The following UNC5C variants were observed in gnomAD, a reference collection of about 807,000 sequenced individuals.
The protein encoded by UNC5C is unc-5 netrin receptor C.
Under a neutral mutation model 99.8 loss-of-function variants are expected in UNC5C, and 47 were observed. The ratio of observed to expected loss-of-function variants is 0.47; its 90% CI spans 0.37 to 0.60. UNC5C has a LOEUF of 0.60. UNC5C is among the 20% of genes least tolerant of loss of function. UNC5C has a pLI of 0.00. For synonymous variants in UNC5C, 487 were observed against 452.2 expected, an observed-to-expected ratio of 1.08 and a Z score of -0.98; for missense variants, 1,062 against 1,165.9, an observed-to-expected ratio of 0.91 and a Z score of 1.30.
chr4:95,321,321 G>T (rs1742683279), intron 2 of UNC5C, among the ~76,000 whole-genome samples: 1 of 152,020 alleles, frequency 6.6e-6, no homozygotes, highest in South Asian at 2.1e-4. Flanking sequence ...GAAACAAAAA[G>T]AATCTAAATG....
chr4:95,180,449 C>T (rs1164287279), intron 14 of UNC5C, among the ~76,000 whole-genome samples: 1 of 152,322 alleles, frequency 6.6e-6, no homozygotes, highest in South Asian at 2.1e-4. Context: ...AATCTTTTAT[C>T]ATCTTTTACA....
chr4:95,176,074 G>T (rs1477474200), intron 14 of UNC5C, among the ~76,000 whole-genome samples: 1 of 151,342 alleles, frequency 6.6e-6, no homozygotes, highest in East Asian at 1.9e-4. Context: ...TAGTTCTTGA[G>T]CCTTGGTTTT....
chr4:95,301,866 A>G (rs866958790), intron 2 of UNC5C, 117 bp from the exon 3 acceptor site: 15 of 1,269,682 alleles, frequency 1.2e-5, no homozygotes, highest in African/African-American at 6.0e-5. Context: ...TCAACAACCC[A>G]GATATTGTCT....
At chr4:95,529,107 A>G (rs1447052300) in intron 1 of UNC5C, among the ~76,000 whole-genome samples, 1 of 151,576 alleles carries the variant, frequency 6.6e-6, no homozygotes, top group African/African-American at 2.4e-5. Context: ...ACAAGATTTT[A>G]AGTTTCTTAA....
intron 14 of UNC5C, among the ~76,000 whole-genome samples, chr4:95,173,683 G>C (rs1420685093): frequency 6.6e-6 from 1 of 151,622 alleles, no homozygotes; most frequent in Non-Finnish European, 1.5e-5. Context: ...GTTCATCAAG[G>C]ATATTGGTCT....
chr4:95,450,966 A>G (rs1469994680), intron 1 of UNC5C, among the ~76,000 whole-genome samples: 1 of 152,214 alleles, frequency 6.6e-6, no homozygotes, highest in Non-Finnish European at 1.5e-5. Flanking sequence ...AGTGCCTATA[A>G]TTTTGTTAGC....
Position 95,438,843 on chromosome 4 carries a change from A to G in UNC5C, c.125-103212T>C, listed in dbSNP as rs546064214. Reference sequence around the variant, plus strand: ...TTTATTTGTAAACTTTGCAGAGAGCATTGCTGCTTTCTGTAGATATTTAGT... The same window carrying G: ...TTTATTTGTAAACTTTGCAGAGAGCGTTGCTGCTTTCTGTAGATATTTAGT... On this transcript the variant is annotated intron_variant, in intron 1 of 15. Coordinates refer to ENST00000453304, the MANE Select transcript of UNC5C (RefSeq NM_003728.4). Among the ~76,000 whole-genome samples, 6 of 152,266 alleles carry G rather than the reference A, an allele frequency of 3.9e-5. No homozygotes were observed. In the South Asian group the frequency reaches 1.2e-3, roughly 32 times the overall value.
intron 7 of UNC5C, among the ~76,000 whole-genome samples, chr4:95,232,157 A>T (rs903226137): frequency 5.3e-5 from 8 of 151,882 alleles, no homozygotes; most frequent in Admixed American, 4.6e-4. Context: ...AAACTCATAG[A>T]TCAGCTACTC....
chr4:95,218,834 G>T, intron 9 of UNC5C, 135 bp downstream of exon 9: 1 of 809,728 alleles, frequency 1.2e-6, no homozygotes, highest in Non-Finnish European at 1.9e-6. Flanking sequence ...TGTTTACATT[G>T]AAAGTAGATT....
In UNC5C at chr4:95,166,396, T is replaced by C. The variant is rs112303969; in HGVS notation, c.*2838A>G. ...TTGTCATTCACTTAATAGGAAACAT[T>C]AAGGGTTCTGACAGATGAGTACCTC... On this transcript the variant is annotated 3_prime_UTR_variant, in exon 16 of 16. Coordinates refer to ENST00000453304, the MANE Select transcript of UNC5C (RefSeq NM_003728.4). 8 of 152,310 alleles carry C rather than the reference T, an allele frequency of 5.3e-5. No homozygotes were observed. Among genetic ancestry groups the C allele is most frequent in the African/African-American group, 1.2e-4 (5 of 41,554 alleles). 9.4% of individuals were successfully genotyped at this position (152,310 alleles called of 1,614,324 possible).
chr4:95,462,739 T>C (rs1007906781), intron 1 of UNC5C, among the ~76,000 whole-genome samples: 3 of 152,212 alleles, frequency 2.0e-5, no homozygotes, highest in Admixed American at 6.5e-5. Context: ...CAGATTACTT[T>C]CTTCCAGTGT....
chr4:95,210,662 C>T (rs1738044929), intron 10 of UNC5C, among the ~76,000 whole-genome samples: 1 of 152,156 alleles, frequency 6.6e-6, no homozygotes, highest in African/African-American at 2.4e-5. Context: ...GTAGAAATTT[C>T]AGCAAAGAAC....
chr4:95,392,840 A>G (rs1404888980), intron 1 of UNC5C, among the ~76,000 whole-genome samples: 1 of 152,170 alleles, frequency 6.6e-6, no homozygotes. Context: ...TTAATTTATA[A>G]TATGTTTTAT....
intron 12 of UNC5C, among the ~76,000 whole-genome samples, chr4:95,198,986 C>G (rs968083450): frequency 6.6e-6 from 1 of 152,050 alleles, no homozygotes; most frequent in Admixed American, 6.5e-5. Context: ...ATACCTAGAC[C>G]AATTAGATCA....
At chr4:95,286,832 GAT>G (rs1741253659) in intron 3 of UNC5C, among the ~76,000 whole-genome samples, 1 of 152,120 alleles carries the variant, frequency 6.6e-6, no homozygotes, top group Non-Finnish European at 1.5e-5. Context: ...CCCCAAATCT[GAT>G]GACTAACAGA....
At chr4:95,351,258 G>T (rs1743977830) in intron 1 of UNC5C, among the ~76,000 whole-genome samples, 2 of 151,634 alleles carry the variant, frequency 1.3e-5, no homozygotes, top group South Asian at 4.2e-4. Context: ...GAAGGGCAGT[G>T]CCTATCTTAC....
At chr4:95,278,024 A>G (rs1740922379) in intron 4 of UNC5C, among the ~76,000 whole-genome samples, 1 of 152,252 alleles carries the variant, frequency 6.6e-6, no homozygotes, top group Admixed American at 6.5e-5. Context: ...TTGAAAGAGA[A>G]TGACAAAACT....
chr4:95,192,476 C>T (rs996798485), intron 12 of UNC5C, among the ~76,000 whole-genome samples: 3 of 140,662 alleles, frequency 2.1e-5, no homozygotes, highest in Non-Finnish European at 3.1e-5. Context: ...ACCTCCTCCC[C>T]TTCTCACCTC....
Position 95,169,186 on chromosome 4 carries a change from A to G in UNC5C, c.*48T>C. ...AGCTGTGATTCACCTGGACGGCCACAGACTCCCTGTGCATTTTTGTCCTTC... is the reference window on the plus strand; with the variant it reads ...AGCTGTGATTCACCTGGACGGCCACGGACTCCCTGTGCATTTTTGTCCTTC... On this transcript the variant is annotated 3_prime_UTR_variant, in exon 16 of 16. Transcript: ENST00000453304. 6 of 1,604,394 alleles carry G rather than the reference A, an allele frequency of 3.7e-6. No homozygotes were observed. Among genetic ancestry groups the G allele is most frequent in the Non-Finnish European group, 5.1e-6 (6 of 1,173,062 alleles).
Sources: allele counts gnomAD v4.1 joint callset (sites outside exome capture counted in the v4.1 genomes callset), GRCh38; gene constraint gnomAD v4.1.1; transcripts MANE v1.5; gene names NCBI Gene and HGNC (gene_info 2026-07-23, HGNC 2026-07-21).